RAPGEF4: variants seen among roughly 807,000 people sequenced by gnomAD.
The protein encoded by RAPGEF4 is RAP guanine-nucleotide-exchange factor (GEF) 4.
In RAPGEF4, 66 loss-of-function variants were observed where a neutral mutation model predicts 147.9. The ratio of observed to expected loss-of-function variants is 0.45; its 90% CI spans 0.37 to 0.55. The LOEUF is 0.55. Ranked by LOEUF, RAPGEF4 falls within the 20% of genes least tolerant of loss-of-function variation. The pLI, the probability that RAPGEF4 is intolerant of heterozygous loss-of-function variation, is 0.00. For synonymous variants in RAPGEF4, 419 were observed against 442.7 expected (o/e 0.95, Z 0.67); for missense variants, 1,071 against 1,257.3 (o/e 0.85, Z 2.24).
At chr2:172,840,626 C>T (rs1236597297) in intron 4 of RAPGEF4, among the ~76,000 whole-genome samples, 2 of 152,164 alleles carry the variant, frequency 1.3e-5, no homozygotes, top group Non-Finnish European at 2.9e-5. Flanking sequence ...ATCGTGAGCA[C>T]CCAGTTAATA....
intron 4 of RAPGEF4, among the ~76,000 whole-genome samples, chr2:172,817,945 T>C (rs1005878791): frequency 6.8e-6 from 1 of 147,240 alleles, no homozygotes. Context: ...ATATATATAA[T>C]GTATATTATA....
intron 18 of RAPGEF4, among the ~76,000 whole-genome samples, chr2:173,015,798 G>A (rs892506289): frequency 2.0e-5 from 3 of 152,184 alleles, no homozygotes; most frequent in Non-Finnish European, 4.4e-5. Context: ...ATTCGCTACA[G>A]TGCTGAAGAC....
intron 1 of RAPGEF4, among the ~76,000 whole-genome samples, chr2:172,758,116 G>C (rs1695949918): frequency 6.6e-6 from 1 of 152,162 alleles, no homozygotes; most frequent in Non-Finnish European, 1.5e-5. Context: ...AGGGTTCACT[G>C]GGAAAGTGAT....
intron 4 of RAPGEF4, chr2:172,822,012 G>A (rs748200438): frequency 5.8e-5 from 93 of 1,604,484 alleles, no homozygotes; most frequent in Non-Finnish European, 7.7e-5. Flanking sequence ...AGTGAAGGGT[G>A]GGAGAGTGGG....
intron 4 of RAPGEF4, among the ~76,000 whole-genome samples, chr2:172,833,745 C>G (rs186043683): frequency 6.6e-6 from 1 of 152,236 alleles, no homozygotes; most frequent in African/African-American, 2.4e-5. Context: ...TGTGACTAGG[C>G]GCTTAGGACT....
chr2:172,983,877 C>G (rs1242014033), intron 11 of RAPGEF4, among the ~76,000 whole-genome samples: 1 of 152,158 alleles, frequency 6.6e-6, no homozygotes, highest in Non-Finnish European at 1.5e-5. Context: ...GGAACCTGCA[C>G]ACTCAGATAA....
At chr2:172,760,969 A>G (rs1696261718) in intron 1 of RAPGEF4, among the ~76,000 whole-genome samples, 1 of 152,056 alleles carries the variant, frequency 6.6e-6, no homozygotes, top group Non-Finnish European at 1.5e-5. Flanking sequence ...CTGAAAACTA[A>G]ACATAAAGAA....
intron 4 of RAPGEF4, among the ~76,000 whole-genome samples, chr2:172,847,763 T>A (rs1692363888): frequency 6.6e-6 from 1 of 152,202 alleles, no homozygotes; most frequent in South Asian, 2.1e-4. Flanking sequence ...CGTGAAACTT[T>A]TAAGAGACTA....
At chr2:173,010,788 G>C (rs1243322582) in intron 17 of RAPGEF4, among the ~76,000 whole-genome samples, 1 of 152,162 alleles carries the variant, frequency 6.6e-6, no homozygotes, top group East Asian at 1.9e-4. Context: ...AGTTCTCTCT[G>C]TGTTTCTTAA....
At chr2:172,956,472 C>CTTTTTTT (rs35815206) in intron 6 of RAPGEF4, among the ~76,000 whole-genome samples, 3 of 136,234 alleles carry the variant, frequency 2.2e-5, no homozygotes, top group African/African-American at 2.8e-5. Context: ...GTTTCTTTTT[C>CTTTTTTT]TTTTTTTTTT....
intron 6 of RAPGEF4, among the ~76,000 whole-genome samples, chr2:172,960,148 T>C (rs536478954): frequency 1.2e-4 from 18 of 152,232 alleles, no homozygotes; most frequent in South Asian, 2.1e-4. Flanking sequence ...CTAGAGCTGA[T>C]CTGACAGTCA....
At chr2:172,989,073 C>T (rs570485885) in intron 14 of RAPGEF4, among the ~76,000 whole-genome samples, 29 of 152,348 alleles carry the variant, frequency 1.9e-4, no homozygotes, top group Non-Finnish European at 2.6e-4. Flanking sequence ...CCCAGTCCCT[C>T]TATGCATCCC....
chr2:172,858,300 C>T (rs931989699), intron 4 of RAPGEF4, among the ~76,000 whole-genome samples: 3 of 152,132 alleles, frequency 2.0e-5, no homozygotes, highest in Non-Finnish European at 4.4e-5. Flanking sequence ...GATGTATTTT[C>T]AAAGTCTGGC....
At chr2:172,898,171 C>T (rs1465202069) in intron 4 of RAPGEF4, among the ~76,000 whole-genome samples, 1 of 152,096 alleles carries the variant, frequency 6.6e-6, no homozygotes, top group African/African-American at 2.4e-5. Context: ...GTCAAACATC[C>T]AGATGGAAGA....
In RAPGEF4 at chr2:172,983,057, G is replaced by A. The variant is rs543796488; in HGVS notation, c.1005-439G>A. 2.0e-5 allele frequency among the ~76,000 whole-genome samples: 3 copies of A among 152,280 alleles called. No homozygotes were observed. The East Asian group carries it at 5.8e-4, about 29-fold the overall frequency. ...TGACAGTGGCATTATTATTCTGCTA[G>A]GCTAAGATAGTACACAGGATCTCAA... On this transcript the variant is annotated intron_variant, in intron 10 of 30. Transcript: ENST00000397081.
intron 3 of RAPGEF4, among the ~76,000 whole-genome samples, chr2:172,806,372 G>C (rs988109343): frequency 6.6e-6 from 1 of 152,152 alleles, no homozygotes; most frequent in African/African-American, 2.4e-5. Flanking sequence ...GCAACCCACG[G>C]TGGTTAAATT....
intron 4 of RAPGEF4, chr2:172,821,687 A>C (rs1689073777): frequency 1.9e-6 from 2 of 1,059,196 alleles, no homozygotes; most frequent in South Asian, 8.6e-5. Flanking sequence ...TGGCAAAATG[A>C]TTCAAATCCA....
intron 4 of RAPGEF4, among the ~76,000 whole-genome samples, chr2:172,869,618 G>A (rs1472649779): frequency 6.6e-6 from 1 of 152,148 alleles, no homozygotes; most frequent in East Asian, 1.9e-4. Context: ...CCCTCTCACT[G>A]CATTTTGATG....
intron 17 of RAPGEF4, among the ~76,000 whole-genome samples, chr2:173,008,041 T>C (rs1694658778): frequency 7.0e-6 from 1 of 143,698 alleles, no homozygotes; most frequent in Non-Finnish European, 1.5e-5. Flanking sequence ...GGGGCAGAAC[T>C]GTGTGGGAGG....
Sources: gnomAD v4.1 joint callset for allele counts (sites outside exome capture counted in the v4.1 genomes callset) on GRCh38, gnomAD v4.1.1 for gene constraint, MANE v1.5 for transcripts, NCBI Gene and HGNC (gene_info 2026-07-23, HGNC 2026-07-21) for gene names.